Variants in TECPR2 observed in about 807,000 individuals in gnomAD.
The protein encoded by TECPR2 is tectonin beta-propeller repeat containing 2.
In TECPR2, 65 loss-of-function variants were observed where a neutral mutation model predicts 138.1. The observed-to-expected ratio is 0.47, with a 90% CI of 0.39 to 0.58. The LOEUF (loss-of-function observed/expected upper bound fraction) is 0.58, where lower values mean the gene tolerates loss of function less well. Ranked by LOEUF, TECPR2 falls within the 20% of genes least tolerant of loss-of-function variation. TECPR2 has a pLI of 0.00. For missense variants in TECPR2, 1,553 were observed against 1,824.5 expected, an observed-to-expected ratio of 0.85 and a Z score of 2.71; for synonymous variants, 746 against 749.8, an observed-to-expected ratio of 0.99 and a Z score of 0.08.
chr14:102,384,745 A>G (rs1370024678), intron 2 of TECPR2, among the ~76,000 whole-genome samples: 1 of 147,012 alleles, frequency 6.8e-6, no homozygotes, highest in African/African-American at 2.5e-5. Context: ...ATGTATATGT[A>G]TGTGTGTGTA....
intron 5 of TECPR2, among the ~76,000 whole-genome samples, chr14:102,418,913 A>G (rs1243151440): frequency 1.3e-5 from 2 of 152,158 alleles, no homozygotes; most frequent in African/African-American, 2.4e-5. Context: ...GTGAGTGGAC[A>G]TGCTGTGGAT....
chr14:102,410,917 G>GA (rs1888830710), intron 4 of TECPR2, among the ~76,000 whole-genome samples: 2 of 152,304 alleles, frequency 1.3e-5, no homozygotes, highest in South Asian at 4.1e-4. Flanking sequence ...GGACTGTGCT[G>GA]AATCTCCTTA....
chr14:102,432,126 C>T lies in TECPR2; in HGVS notation c.1415C>T (p.Thr472Ile), dbSNP rs370462085. ...AAAAGGAAGAAGAAGAAGAAGAAGA[C>T]AGGTACCCTCTGTAGCTGGCACACA... ...KVKRKKKKKKTEGGSRSTCHS... is the reference protein window; with the variant it reads ...KVKRKKKKKKIEGGSRSTCHS... The change falls in exon 8 of 20, where the codon ACA becomes ATA. Residue 472 changes from threonine (T) to isoleucine (I), a missense_variant and splice_region_variant. Physicochemically the swap from Thr to Ile is moderately conservative, Grantham distance 89. Coordinates refer to ENST00000359520, the MANE Select transcript of TECPR2 (RefSeq NM_014844.5). 3.9e-5 allele frequency: 61 copies of T among 1,560,244 alleles called. No homozygotes were observed. Among genetic ancestry groups the T allele is most frequent in the Non-Finnish European group, 5.3e-5 (61 of 1,148,866 alleles).
intron 2 of TECPR2, among the ~76,000 whole-genome samples, chr14:102,391,461 G>A (rs145730356): frequency 2.2e-3 from 341 of 152,248 alleles, no homozygotes; most frequent in African/African-American, 7.2e-3. Context: ...TTGGTGGGGT[G>A]GGGTATGTAG....
intron 2 of TECPR2, among the ~76,000 whole-genome samples, chr14:102,394,039 G>T (rs1452215159): frequency 6.6e-6 from 1 of 152,148 alleles, no homozygotes; most frequent in African/African-American, 2.4e-5. Context: ...TGTCAAGACT[G>T]TACATTTTAA....
chr14:102,404,436 G>A (rs1252548209), intron 2 of TECPR2, among the ~76,000 whole-genome samples: 1 of 152,136 alleles, frequency 6.6e-6, no homozygotes, highest in Non-Finnish European at 1.5e-5. Flanking sequence ...CTGCAAAAAT[G>A]CAGTCATTGA....
intron 10 of TECPR2, among the ~76,000 whole-genome samples, chr14:102,439,859 C>G (rs369030845): frequency 1.1e-3 from 173 of 152,336 alleles, no homozygotes; most frequent in African/African-American, 3.9e-3. Context: ...ATCCTGCCTT[C>G]CCTTTCCTCT....
chr14:102,405,952 C>T (rs556451797), intron 2 of TECPR2, among the ~76,000 whole-genome samples: 2 of 151,390 alleles, frequency 1.3e-5, no homozygotes, highest in South Asian at 4.2e-4. Flanking sequence ...TGTATGGTTC[C>T]ATTTGTATGA....
At chr14:102,388,560 G>T (rs1888081012) in intron 2 of TECPR2, among the ~76,000 whole-genome samples, 1 of 152,068 alleles carries the variant, frequency 6.6e-6, no homozygotes, top group South Asian at 2.1e-4. Flanking sequence ...TGGGCGCAGT[G>T]GCTCACGCCT....
chr14:102,450,448 G>A, intron 14 of TECPR2, 112 bp from the exon 15 acceptor site: 1 of 1,003,014 alleles, frequency 1.0e-6, no homozygotes, highest in Non-Finnish European at 1.5e-6. Context: ...GGACACTCTA[G>A]AATTATCTGG....
At chr14:102,391,013 G>A (rs1741618069) in intron 2 of TECPR2, among the ~76,000 whole-genome samples, 1 of 152,164 alleles carries the variant, frequency 6.6e-6, no homozygotes, top group Admixed American at 6.5e-5. Context: ...GACCCTACAT[G>A]TAGCTAATTC....
At chr14:102,375,898 C>T (rs1017808894) in intron 1 of TECPR2, among the ~76,000 whole-genome samples, 1 of 152,162 alleles carries the variant, frequency 6.6e-6, no homozygotes, top group African/African-American at 2.4e-5. Flanking sequence ...TGCTACCTGC[C>T]TTATAAGGTA....
chr14:102,486,725 T>G (rs1567361843), intron 17 of TECPR2, among the ~76,000 whole-genome samples: 1 of 152,100 alleles, frequency 6.6e-6, no homozygotes, highest in Non-Finnish European at 1.5e-5. Context: ...GCCTCAGAGA[T>G]CATGGTCCCC....
intron 17 of TECPR2, among the ~76,000 whole-genome samples, chr14:102,474,329 G>A (rs567413235): frequency 2.0e-5 from 3 of 151,342 alleles, no homozygotes; most frequent in African/African-American, 4.9e-5. Context: ...CTACAACAAA[G>A]GTGACTGTTA....
At chr14:102,368,578 ATAT>A (rs913181292) in intron 1 of TECPR2, among the ~76,000 whole-genome samples, 5 of 150,494 alleles carry the variant, frequency 3.3e-5, no homozygotes, top group African/African-American at 1.2e-4. Context: ...TTTATCAGAT[ATAT>A]AACCAGGAGA....
intron 5 of TECPR2, among the ~76,000 whole-genome samples, chr14:102,417,271 G>C (rs1889050984): frequency 6.6e-6 from 1 of 152,230 alleles, no homozygotes; most frequent in Non-Finnish European, 1.5e-5. Flanking sequence ...CTTGCTTTCT[G>C]CTGTAGACTA....
intron 17 of TECPR2, among the ~76,000 whole-genome samples, chr14:102,490,008 C>A (rs955782057): frequency 1.3e-5 from 2 of 151,840 alleles, no homozygotes; most frequent in South Asian, 4.2e-4. Flanking sequence ...ACAAGCAAAT[C>A]CAGGTGACAG....
chr14:102,414,172 C>T (rs568497252), intron 4 of TECPR2, among the ~76,000 whole-genome samples: 12 of 152,254 alleles, frequency 7.9e-5, no homozygotes, highest in South Asian at 2.1e-4. Context: ...ATAATATGAA[C>T]TTACAGAGCT....
chr14:102,449,704 G>T lies in TECPR2; in HGVS notation c.3151G>T (p.Ala1051Ser). The T allele has an allele frequency of 6.2e-7, 1 of 1,614,154 alleles. No homozygotes were observed. Among genetic ancestry groups the T allele is most frequent in the Non-Finnish European group, 8.5e-7 (1 of 1,180,030 alleles). Reference sequence around the variant, plus strand: ...GATAATCCATGCCACTCACTCGGTGGCCACAGCAGCCCAAGCCCCCGTAGA... The same window carrying T: ...GATAATCCATGCCACTCACTCGGTGTCCACAGCAGCCCAAGCCCCCGTAGA... Reference protein sequence around the residue: ...QTIIHATHSVATAAQAPVEKV... With the variant: ...QTIIHATHSVSTAAQAPVEKV... Residue 1051 changes from alanine (A) to serine (S), a missense_variant, in exon 14 of 20, where the codon GCC (alanine) becomes TCC (serine). Physicochemically the swap from Ala to Ser is moderately conservative, Grantham distance 99. Transcript: ENST00000359520.
Sources: allele counts gnomAD v4.1 joint callset (sites outside exome capture counted in the v4.1 genomes callset), GRCh38; gene constraint gnomAD v4.1.1; transcripts MANE v1.5; gene names NCBI Gene and HGNC (gene_info 2026-07-23, HGNC 2026-07-21).